The following IFT88 variants were observed in gnomAD, a reference collection of about 807,000 sequenced individuals.
The protein encoded by IFT88 is intraflagellar transport protein 88 homolog.
A neutral mutation model predicts 119.5 loss-of-function variants in IFT88; 74 were observed. The ratio of observed to expected loss-of-function variants is 0.62; its 90% CI spans 0.51 to 0.75. IFT88 has a LOEUF of 0.75. Among genes scored for constraint, IFT88 ranks in the 30% least tolerant of loss-of-function variants. The probability of loss-of-function intolerance (pLI) is 0.00; values close to 1 mark genes in which losing one functional copy is unlikely to be tolerated. For synonymous variants in IFT88, 279 were observed against 316.7 expected (o/e 0.88, Z 1.26); for missense variants, 961 against 977.7 (o/e 0.98, Z 0.23).
intron 13 of IFT88, among the ~76,000 whole-genome samples, chr13:20,609,768 A>T (rs966206214): frequency 2.2e-5 from 2 of 92,316 alleles, no homozygotes; most frequent in East Asian, 3.9e-4. Context: ...AAACAGAAAA[A>T]AAACAAAAAA....
intron 9 of IFT88, 139 bp downstream of exon 9, chr13:20,597,258 A>G (rs1175889783): frequency 1.2e-5 from 6 of 512,908 alleles, no homozygotes; most frequent in Non-Finnish European, 2.1e-5. Context: ...TCTTTAGTTC[A>G]TAAAACACTC....
intron 7 of IFT88, 44 bp downstream of exon 7, chr13:20,592,448 T>C: frequency 2.1e-6 from 3 of 1,431,798 alleles, no homozygotes; most frequent in Non-Finnish European, 2.9e-6. Context: ...TTGCTGCATA[T>C]TTTAAATTTT....
chr13:20,676,506 C>T (rs1440120710), intron 24 of IFT88, among the ~76,000 whole-genome samples: 1 of 152,220 alleles, frequency 6.6e-6, no homozygotes, highest in African/African-American at 2.4e-5. Flanking sequence ...CGCCCATGTT[C>T]TCACCACTGC....
intron 14 of IFT88, among the ~76,000 whole-genome samples, chr13:20,622,529 C>T (rs547775604): frequency 1.1e-4 from 17 of 152,130 alleles, no homozygotes; most frequent in African/African-American, 2.9e-4. Flanking sequence ...TTCTAATAAG[C>T]GTATGGTGGC....
chr13:20,616,922 A>C (rs929388563), intron 14 of IFT88, among the ~76,000 whole-genome samples: 26 of 152,122 alleles, frequency 1.7e-4, no homozygotes, highest in Non-Finnish European at 3.2e-4. Flanking sequence ...TCCTGGACCA[A>C]AACTTTTTTT....
chr13:20,611,703 C>T (rs1325131100), intron 13 of IFT88, among the ~76,000 whole-genome samples: 1 of 151,962 alleles, frequency 6.6e-6, no homozygotes, highest in Non-Finnish European at 1.5e-5. Flanking sequence ...CTCCTGGGTT[C>T]GAGCGATTCC....
intron 14 of IFT88, among the ~76,000 whole-genome samples, chr13:20,624,622 C>T (rs1427871444): frequency 6.6e-6 from 1 of 152,042 alleles, no homozygotes; most frequent in East Asian, 1.9e-4. Context: ...CACCACAGGC[C>T]ACCCCCTGAT....
rs1366987913 is a variant in IFT88, at chr13:20,690,747, T to A, written c.2285T>A (p.Leu762Gln). 2 of 1,613,758 alleles carry A rather than the reference T, an allele frequency of 1.2e-6. No homozygotes were observed. Among genetic ancestry groups the A allele is most frequent in the Non-Finnish European group, 1.7e-6 (2 of 1,179,804 alleles). ...AGTGCCAGTAGTAAAGGTGAACGAC[T>A]AAGTGCCAGACTCAGAGCTTTACCT... ...NYSASSKGER[L>Q]SARLRALPGT... The change falls in exon 25 of 26, where the codon CTA becomes CAA. Residue 762 changes from leucine to glutamine, a missense_variant. Transcript: ENST00000351808.
At chr13:20,688,050 C>G (rs1452009173) in intron 24 of IFT88, among the ~76,000 whole-genome samples, 1 of 152,192 alleles carries the variant, frequency 6.6e-6, no homozygotes, top group Non-Finnish European at 1.5e-5. Context: ...AAAGAGGCCA[C>G]TCTGGCCGGG....
chr13:20,592,313 T>A, intron 6 of IFT88, 22 bp from the exon 7 acceptor site: 1 of 1,590,534 alleles, frequency 6.3e-7, no homozygotes, highest in East Asian at 2.2e-5. Flanking sequence ...AATTGAATAT[T>A]AACTCTTGAA....
chr13:20,648,878 TTTA>T (rs2051153640), intron 20 of IFT88, among the ~76,000 whole-genome samples: 1 of 152,160 alleles, frequency 6.6e-6, no homozygotes, highest in Non-Finnish European at 1.5e-5. Context: ...GTTGGGAGGC[TTTA>T]TTATTGTCAG....
intron 20 of IFT88, 55 bp from the exon 21 acceptor site, chr13:20,653,821 C>T (rs2052230127): frequency 1.0e-6 from 1 of 962,936 alleles, no homozygotes; most frequent in Non-Finnish European, 1.6e-6. Context: ...CTTTATAAAA[C>T]TGAGCATCAC....
In IFT88 at chr13:20,571,162, T is replaced by A. The variant is rs142032972; in HGVS notation, c.-6-3218T>A. On this transcript the variant is annotated intron_variant, in intron 1 of 25. Coordinates refer to ENST00000351808, the MANE Select transcript of IFT88 (RefSeq NM_006531.5). ...GTGCCTGCTATCATGCCCGGCTAAT[T>A]TTTTTGTATTTTTAGTAGAGACGGG... 9.7e-3 allele frequency among the ~76,000 whole-genome samples: 1,472 copies of A among 151,870 alleles called. 24 individuals carry two copies. The highest frequency in any genetic ancestry group is 0.033 in the African/African-American group (1,382 of 41,396).
At chr13:20,593,084 A>C (rs551463160) in intron 7 of IFT88, among the ~76,000 whole-genome samples, 1 of 152,350 alleles carries the variant, frequency 6.6e-6, no homozygotes, top group East Asian at 1.9e-4. Context: ...GAAAAAATTA[A>C]GAGAACACAT....
intron 15 of IFT88, among the ~76,000 whole-genome samples, 186 bp downstream of exon 15, chr13:20,626,035 TGTC>T (rs2047239498): frequency 7.1e-6 from 1 of 141,648 alleles, no homozygotes; most frequent in South Asian, 2.3e-4. Context: ...TTTGCCTGTT[TGTC>T]GTTTCTTTTT....
Position 20,590,989 on chromosome 13 carries a change from C to T in IFT88, c.233C>T (p.Ser78Leu). ...TAGTCCAAGACATCTCTGGCATCAT[C>T]AATAGGAAGACCAATGACAGGGGCT... ...GYGSKTSLASSIGRPMTGAIQ... is the reference protein window; with the variant it reads ...GYGSKTSLASLIGRPMTGAIQ... The change falls in exon 5 of 26, where the codon TCA becomes TTA. Residue 78 changes from serine (S) to leucine (L), a missense_variant. By Grantham distance (145) the Ser-to-Leu change is moderately radical. Transcript: ENST00000351808. The T allele has an allele frequency of 6.2e-7, 1 of 1,609,808 alleles. No individual in the cohort carries two copies. The highest frequency in any genetic ancestry group is 8.5e-7 in the Non-Finnish European group (1 of 1,177,336).
At position 20,663,518 on chromosome 13, in the gene IFT88, C is replaced by T. The variant is rs777928903; in HGVS notation, c.2089C>T (p.Leu697Phe). ...TTTAGGTCTGCGTTTCTTAGTTCGTCTCTGCACAGATCTTGGATTAAAAGA... is the reference window on the plus strand; with the variant it reads ...TTTAGGTCTGCGTTTCTTAGTTCGTTTCTGCACAGATCTTGGATTAAAAGA... The part of the protein sequence containing the change: ...NVECLRFLVR[L>F]CTDLGLKDAQ... The change falls in exon 23 of 26, where the codon CTC becomes TTC. Residue 697 changes from leucine to phenylalanine, a missense_variant. Physicochemically the swap from Leu to Phe is conservative, Grantham distance 22. Coordinates refer to ENST00000351808, the MANE Select transcript of IFT88 (RefSeq NM_006531.5). 1 of 1,613,828 alleles carries T rather than the reference C, an allele frequency of 6.2e-7. No individual in the cohort carries two copies. The highest frequency in any genetic ancestry group is 8.5e-7 in the Non-Finnish European group (1 of 1,179,902).
In IFT88 at chr13:20,596,188, A is replaced by G; in HGVS notation, c.437A>G (p.Asn146Ser). 7.7e-6 allele frequency: 12 copies of G among 1,561,592 alleles called. No individual in the cohort carries two copies. Among genetic ancestry groups the G allele is most frequent in the Non-Finnish European group, 1.0e-5 (12 of 1,147,770 alleles). The change falls in exon 8 of 26, where the codon AAT becomes AGT. Residue 146 changes from asparagine to serine, a missense_variant. Physicochemically the swap from Asn to Ser is conservative, Grantham distance 46. Coordinates refer to ENST00000351808, the MANE Select transcript of IFT88 (RefSeq NM_006531.5). ...EKIKQLEKEV[N>S]ELVEESCIAN... is the part of the protein sequence containing the mutation. Reference sequence around the variant, plus strand: ...ATAAAGCAATTAGAGAAGGAAGTAAATGAGTTGGTAGAAGAAAGCTGTATT... The same window carrying G: ...ATAAAGCAATTAGAGAAGGAAGTAAGTGAGTTGGTAGAAGAAAGCTGTATT...
rs761148529 is a variant in IFT88, at chr13:20,644,922, A to C, written c.1913A>C (p.Lys638Thr). Residue 638 changes from lysine to threonine, a missense_variant, in exon 20 of 26, where the codon AAA becomes ACA. Coordinates refer to ENST00000351808, the MANE Select transcript of IFT88 (RefSeq NM_006531.5). ...AYYIDTQFWEKAIQYFERASL... is the reference protein window; with the variant it reads ...AYYIDTQFWETAIQYFERASL... ...TACATTGACACCCAATTTTGGGAAAAAGCTATTCAGTACTTTGAAAGAGCT... is the reference window on the plus strand; with the variant it reads ...TACATTGACACCCAATTTTGGGAAACAGCTATTCAGTACTTTGAAAGAGCT... 1.9e-6 allele frequency: 3 copies of C among 1,599,464 alleles called. No homozygotes were observed. Among genetic ancestry groups the C allele is most frequent in the Non-Finnish European group, 2.6e-6 (3 of 1,168,366 alleles).
Sources: allele counts gnomAD v4.1 joint callset (sites outside exome capture counted in the v4.1 genomes callset), GRCh38; gene constraint gnomAD v4.1.1; transcripts MANE v1.5; gene names NCBI Gene and HGNC (gene_info 2026-07-23, HGNC 2026-07-21).